Variants in RAB12 observed in about 807,000 individuals in gnomAD.
RAB12 encodes the protein RAB12, member RAS oncogene family.
In RAB12, 11 loss-of-function variants were observed where a neutral mutation model predicts 28.4. The ratio of observed to expected loss-of-function variants is 0.39; its 90% confidence interval spans 0.24 to 0.64. The LOEUF (loss-of-function observed/expected upper bound fraction) is 0.64, where lower values mean the gene tolerates loss of function less well. RAB12 is among the 30% of genes least tolerant of loss of function. RAB12 has a pLI of 0.50. For missense variants in RAB12, 276 were observed against 351.1 expected (o/e 0.79, Z 1.71); for synonymous variants, 138 against 145.3 (o/e 0.95, Z 0.36).
At chr18:8,629,957 G>A (rs571129546) in intron 2 of RAB12, among the ~76,000 whole-genome samples, 21 of 152,286 alleles carry the variant, frequency 1.4e-4, no homozygotes, top group Admixed American at 1.1e-3. Context: ...TAAAGAAATC[G>A]CTTTGCAAGT....
intron 1 of RAB12, among the ~76,000 whole-genome samples, chr18:8,624,700 G>A (rs1181184423): frequency 1.3e-5 from 2 of 152,222 alleles, no homozygotes; most frequent in African/African-American, 4.8e-5. Flanking sequence ...ATACTAGACC[G>A]ATCACTCAGG....
intron 1 of RAB12, among the ~76,000 whole-genome samples, chr18:8,620,391 C>CT (rs1282076708): frequency 5.3e-5 from 8 of 152,056 alleles, no homozygotes; most frequent in Admixed American, 2.0e-4. Context: ...CCGTAATCCT[C>CT]TGAGATTAGT....
In RAB12 at chr18:8,612,528, C is replaced by G. The variant is rs75269664; in HGVS notation, c.514+2575C>G. 4.2e-3 allele frequency among the ~76,000 whole-genome samples: 644 copies of G among 152,302 alleles called. 4 individuals carry two copies. Among genetic ancestry groups the G allele is most frequent in the African/African-American group, 0.015 (615 of 41,554 alleles). On this transcript the variant is annotated intron_variant, in intron 1 of 5. Transcript: ENST00000649141. ...CCCTGTCAGGGCTGCTCGCGACAGC[C>G]GTCTGGGAAAGACCGTGAGCCTCAC...
intron 1 of RAB12, among the ~76,000 whole-genome samples, chr18:8,622,439 A>G (rs1056679496): frequency 1.1e-4 from 16 of 152,310 alleles, no homozygotes; most frequent in Admixed American, 2.6e-4. Context: ...GAGACGTCAC[A>G]TGTCGGTAGG....
intron 2 of RAB12, among the ~76,000 whole-genome samples, chr18:8,627,046 A>T (rs948452874): frequency 3.3e-5 from 5 of 152,262 alleles, no homozygotes; most frequent in Admixed American, 3.3e-4. Flanking sequence ...TATTTAAAAG[A>T]TGAAAACCTT....
chr18:8,636,285 T>C lies in RAB12; in HGVS notation c.837T>C (p.Cys279=), dbSNP rs2096018868. ...AGCAGATCACTGGGATGCGGTTCTGTGAAGCAAGTGCCAAGGATAACTTCA... is the reference window on the plus strand; with the variant it reads ...AGCAGATCACTGGGATGCGGTTCTGCGAAGCAAGTGCCAAGGATAACTTCA... ...FAQQITGMRF[C]EASAKDNFNV... The change falls in exon 5 of 6, where the codon TGT becomes TGC. Residue 279 remains cysteine, a synonymous_variant. Transcript: ENST00000649141. The C allele has an allele frequency of 6.2e-7, 1 of 1,613,638 alleles. No homozygotes were observed. The highest frequency in any genetic ancestry group is 8.5e-7 in the Non-Finnish European group (1 of 1,179,696).
chr18:8,611,153 T>C (rs1170656268), intron 1 of RAB12, among the ~76,000 whole-genome samples: 1 of 152,192 alleles, frequency 6.6e-6, no homozygotes, highest in Non-Finnish European at 1.5e-5. Flanking sequence ...GTTTTTAAAA[T>C]GTTGTCGTTG....
At chr18:8,628,150 A>C (rs903780202) in intron 2 of RAB12, among the ~76,000 whole-genome samples, 3 of 152,214 alleles carry the variant, frequency 2.0e-5, no homozygotes, top group Non-Finnish European at 2.9e-5. Flanking sequence ...TATGGGGAAA[A>C]AGAGGGAAAT....
intron 2 of RAB12, among the ~76,000 whole-genome samples, chr18:8,626,448 CAT>C (rs1214601934): frequency 1.3e-5 from 2 of 152,232 alleles, no homozygotes; most frequent in Non-Finnish European, 2.9e-5. Flanking sequence ...GACTGTGGCA[CAT>C]GTCTTAATTA....
chr18:8,610,357 G>C (rs1384759542), intron 1 of RAB12, among the ~76,000 whole-genome samples: 1 of 152,240 alleles, frequency 6.6e-6, no homozygotes, highest in African/African-American at 2.4e-5. Context: ...CGTCTGCTGC[G>C]GGTGTGATCC....
intron 2 of RAB12, among the ~76,000 whole-genome samples, chr18:8,629,520 C>G (rs1206508277): frequency 6.6e-6 from 1 of 152,170 alleles, no homozygotes; most frequent in Non-Finnish European, 1.5e-5. Context: ...GTCTACTGAT[C>G]GTGTACTGCA....
intron 3 of RAB12, 37 bp from the exon 4 acceptor site, chr18:8,635,496 C>T (rs1172017461): frequency 1.4e-6 from 2 of 1,455,192 alleles, no homozygotes; most frequent in African/African-American, 2.8e-5. Flanking sequence ...ATGGCGATGC[C>T]CATCTTTGAA....
rs1389209090 is a variant in RAB12, at chr18:8,614,514, A to G, written c.514+4561A>G. ...TGCCAAGTAAGAACATTAAAAAAAA[A>G]AAAAGAAAAAAAAAAGACTTAAAAA... is the stretch of plus-strand genomic sequence containing the variant. On this transcript the variant is annotated intron_variant, in intron 1 of 5. Coordinates refer to ENST00000649141, the MANE Select transcript of RAB12 (RefSeq NM_001025300.3). 2.1e-5 allele frequency among the ~76,000 whole-genome samples: 3 copies of G among 142,000 alleles called. No homozygotes were observed. In the East Asian group the frequency reaches 5.9e-4, roughly 28 times the overall value. The allele number at this position is 142,000 out of a possible 152,430, so 93.2% of individuals were successfully genotyped here. A position where few individuals can be genotyped will look rare whatever the true frequency, so the allele number is the denominator to read the frequency against.
intron 1 of RAB12, among the ~76,000 whole-genome samples, chr18:8,618,326 C>T (rs770043906): frequency 3.4e-4 from 51 of 151,982 alleles, no homozygotes; most frequent in Admixed American, 1.6e-3. Flanking sequence ...TTTTTAATGA[C>T]GCATAGTAAC....
intron 3 of RAB12, 26 bp from the exon 4 acceptor site, chr18:8,635,507 A>T (rs1598314518): frequency 1.9e-6 from 3 of 1,552,466 alleles, no homozygotes; most frequent in African/African-American, 1.4e-5. Context: ...CATCTTTGAA[A>T]TGTGGCTTCT....
At chr18:8,614,515 A>G (rs1412537992) in intron 1 of RAB12, among the ~76,000 whole-genome samples, 1 of 141,526 alleles carries the variant, frequency 7.1e-6, no homozygotes, top group African/African-American at 2.6e-5. Flanking sequence ...TAAAAAAAAA[A>G]AAAGAAAAAA....
chr18:8,614,583 TA>T (rs1482524592), intron 1 of RAB12, among the ~76,000 whole-genome samples: 1 of 151,996 alleles, frequency 6.6e-6, no homozygotes, highest in Non-Finnish European at 1.5e-5. Flanking sequence ...TTTTTTATTT[TA>T]TTTTTTATTT....
chr18:8,637,985 C>T lies in RAB12; in HGVS notation c.910-164C>T, dbSNP rs572077408. On this transcript the variant is annotated intron_variant, in intron 5 of 5. Coordinates refer to ENST00000649141, the MANE Select transcript of RAB12 (RefSeq NM_001025300.3). Reference sequence around the variant, plus strand: ...TGCTGTCTCTTCCGGGTGGCAGAGGCGGAGGAGAAGGTGAGTGGGGAGGCA... The same window carrying T: ...TGCTGTCTCTTCCGGGTGGCAGAGGTGGAGGAGAAGGTGAGTGGGGAGGCA... Among the ~76,000 whole-genome samples the T allele has an allele frequency of 2.6e-5, 4 of 151,648 alleles. No individual in the cohort carries two copies. The East Asian group carries it at 7.7e-4, about 29-fold the overall frequency.
intron 2 of RAB12, 71 bp downstream of exon 2, chr18:8,625,069 T>G (rs2096011926): frequency 7.0e-6 from 7 of 995,214 alleles, no homozygotes; most frequent in Non-Finnish European, 1.1e-5. Context: ...TCTAATAAAA[T>G]GAACTGTTTG....
Sources: gnomAD v4.1 joint callset for allele counts (sites outside exome capture counted in the v4.1 genomes callset) on GRCh38, gnomAD v4.1.1 for gene constraint, MANE v1.5 for transcripts, NCBI Gene and HGNC (gene_info 2026-07-23, HGNC 2026-07-21) for gene names.